Variants in GALNT13 observed in about 807,000 individuals in gnomAD.
GALNT13 encodes the protein UDP-GalNAc:polypeptide N-acetylgalactosaminyltransferase 13.
A neutral mutation model predicts 64.2 loss-of-function variants in GALNT13; 28 were observed. The ratio of observed to expected loss-of-function variants is 0.44; its 90% confidence interval spans 0.32 to 0.60. GALNT13 has a LOEUF of 0.60. Ranked by LOEUF, GALNT13 falls within the 20% of genes least tolerant of loss-of-function variation. The pLI is 0.05. For missense variants in GALNT13, 577 were observed against 669.8 expected (o/e 0.86, Z 1.53); for synonymous variants, 214 against 224.6 (o/e 0.95, Z 0.42).
chr2:153,792,837 A>G, the GALNT13 span, among the ~76,000 whole-genome samples: 1 of 152,280 alleles, frequency 6.6e-6, no homozygotes, highest in South Asian at 2.1e-4. Context: ...TGTTCTGCAA[A>G]AAAGTCGTAT....
the GALNT13 span, among the ~76,000 whole-genome samples, chr2:153,104,938 A>G: frequency 4.6e-5 from 7 of 151,816 alleles, no homozygotes; most frequent in South Asian, 1.2e-3. Flanking sequence ...CACAATGTGC[A>G]GGTTAGTTAC....
At chr2:154,385,747 G>A (rs1373531161) in intron 9 of GALNT13, among the ~76,000 whole-genome samples, 1 of 151,910 alleles carries the variant, frequency 6.6e-6, no homozygotes, top group Non-Finnish European at 1.5e-5. Flanking sequence ...ACTACTCCAT[G>A]GAGGGATAGA....
chr2:154,154,902 A>G (rs554328907), intron 4 of GALNT13, among the ~76,000 whole-genome samples: 1 of 151,270 alleles, frequency 6.6e-6, no homozygotes, highest in South Asian at 2.1e-4. Flanking sequence ...TTGGGTGACT[A>G]GGAGATTTGT....
intron 7 of GALNT13, among the ~76,000 whole-genome samples, chr2:154,256,009 C>G (rs142114960): frequency 6.6e-6 from 1 of 151,710 alleles, no homozygotes; most frequent in African/African-American, 2.4e-5. Context: ...AATCTGATTG[C>G]ACCACTACAC....
intron 1 of GALNT13, among the ~76,000 whole-genome samples, chr2:153,886,788 A>G (rs1687209195): frequency 6.6e-6 from 1 of 152,012 alleles, no homozygotes; most frequent in Non-Finnish European, 1.5e-5. Context: ...AGGTCCATTA[A>G]GTTACATATT....
chr2:153,538,326 C>CTTTTTTTTTTTTTTTTTATTT, the GALNT13 span, among the ~76,000 whole-genome samples: 8 of 100,830 alleles, frequency 7.9e-5, no homozygotes, highest in Admixed American at 9.5e-5. Flanking sequence ...TTTTTTAATT[C>CTTTTTTTTTTTTTTTTTATTT]TTTTTTTTTT....
At chr2:153,262,987 A>C in the GALNT13 span, among the ~76,000 whole-genome samples, 4 of 152,138 alleles carry the variant, frequency 2.6e-5, no homozygotes, top group Non-Finnish European at 5.9e-5. Flanking sequence ...ATGGTACTCA[A>C]ATAGGAAGAG....
chr2:154,348,452 T>G (rs1346167542), intron 9 of GALNT13, among the ~76,000 whole-genome samples: 1 of 152,080 alleles, frequency 6.6e-6, no homozygotes. Flanking sequence ...AAGTATACTT[T>G]CTATTAGTCA....
At chr2:153,486,289 G>C in the GALNT13 span, among the ~76,000 whole-genome samples, 1 of 152,114 alleles carries the variant, frequency 6.6e-6, no homozygotes, top group African/African-American at 2.4e-5. Flanking sequence ...TGTAGAGACT[G>C]TGTCTGTCTA....
chr2:153,489,711 G>T, the GALNT13 span, among the ~76,000 whole-genome samples: 1 of 152,108 alleles, frequency 6.6e-6, no homozygotes, highest in East Asian at 1.9e-4. Flanking sequence ...TAAATTAAGG[G>T]CATAATAGGT....
chr2:154,372,126 T>C (rs1245043176), intron 9 of GALNT13, among the ~76,000 whole-genome samples: 2 of 152,122 alleles, frequency 1.3e-5, no homozygotes, highest in Non-Finnish European at 2.9e-5. Flanking sequence ...AAGCTTAATG[T>C]CTTCATAAAA....
intron 3 of GALNT13, among the ~76,000 whole-genome samples, chr2:154,115,351 G>A (rs1014099626): frequency 1.3e-5 from 2 of 152,002 alleles, no homozygotes; most frequent in African/African-American, 2.4e-5. Flanking sequence ...TGTGCACAAT[G>A]TGCAGGTTTG....
At chr2:153,620,495 C>G in the GALNT13 span, among the ~76,000 whole-genome samples, 1 of 151,780 alleles carries the variant, frequency 6.6e-6, no homozygotes, top group Admixed American at 6.6e-5. Flanking sequence ...TTGAAATAGC[C>G]TGCATTCAAG....
chr2:154,365,756 AGATT>A (rs1334617112), intron 9 of GALNT13, among the ~76,000 whole-genome samples: 1 of 152,206 alleles, frequency 6.6e-6, no homozygotes. Context: ...AAATATAATT[AGATT>A]GATTAACTGA....
intron 3 of GALNT13, among the ~76,000 whole-genome samples, chr2:154,068,871 T>C (rs757556300): frequency 1.8e-4 from 28 of 152,074 alleles, no homozygotes; most frequent in Non-Finnish European, 3.5e-4. Context: ...AACTTTTAGT[T>C]ATTTAGTATC....
the GALNT13 span, among the ~76,000 whole-genome samples, chr2:153,410,880 G>A: frequency 8.6e-5 from 13 of 151,672 alleles, no homozygotes; most frequent in Non-Finnish European, 1.5e-4. Context: ...TATTTAGAGA[G>A]AGAGAGAGAG....
the GALNT13 span, among the ~76,000 whole-genome samples, chr2:153,764,712 T>A: frequency 6.6e-6 from 1 of 152,234 alleles, no homozygotes; most frequent in Non-Finnish European, 1.5e-5. Flanking sequence ...CTCCAGGCCA[T>A]GTCAGAGACC....
the GALNT13 span, among the ~76,000 whole-genome samples, chr2:153,126,332 A>T: frequency 2.0e-5 from 1 of 49,104 alleles, no homozygotes; most frequent in African/African-American, 5.8e-5. Context: ...ATATATATAT[A>T]TATATATATA....
At chr2:154,181,742 G>A (rs936256029) in intron 4 of GALNT13, among the ~76,000 whole-genome samples, 2 of 151,834 alleles carry the variant, frequency 1.3e-5, no homozygotes, top group African/African-American at 4.8e-5. Context: ...CTTACAGGTT[G>A]CTCAAAGTAT....
Sources: gnomAD v4.1 joint callset for allele counts (sites outside exome capture counted in the v4.1 genomes callset) on GRCh38, gnomAD v4.1.1 for gene constraint, MANE v1.5 for transcripts, NCBI Gene and HGNC (gene_info 2026-07-23, HGNC 2026-07-21) for gene names.